The following EXOC6B variants were observed in gnomAD, a reference collection of about 807,000 sequenced individuals.
EXOC6B encodes SEC15 homolog B.
EXOC6B carries 54 observed loss-of-function variants against 113.5 expected under a neutral mutation model. That is an observed-to-expected ratio of 0.48 (90% CI 0.38 to 0.60). The LOEUF is 0.60. Ranked by LOEUF, EXOC6B falls within the 20% of genes least tolerant of loss-of-function variation. The pLI, the probability that EXOC6B is intolerant of heterozygous loss-of-function variation, is 0.00. For missense variants in EXOC6B, 797 were observed against 977.5 expected (o/e 0.82, Z 2.46); for synonymous variants, 357 against 339.0 (o/e 1.05, Z -0.58).
intron 1 of EXOC6B, among the ~76,000 whole-genome samples, chr2:72,813,424 C>A (rs1686033746): frequency 6.6e-6 from 1 of 152,136 alleles, no homozygotes; most frequent in African/African-American, 2.4e-5. Flanking sequence ...ACCATCAAAT[C>A]CACATTTATC....
chr2:72,550,732 TATGGTCATC>T (rs1703162133), intron 8 of EXOC6B, among the ~76,000 whole-genome samples: 1 of 152,152 alleles, frequency 6.6e-6, no homozygotes, highest in Non-Finnish European at 1.5e-5. Flanking sequence ...TAGGACTACA[TATGGTCATC>T]GTACAATTAA....
At chr2:72,280,205 A>G (rs1208862464) in intron 20 of EXOC6B, among the ~76,000 whole-genome samples, 2 of 151,744 alleles carry the variant, frequency 1.3e-5, no homozygotes, top group African/African-American at 4.8e-5. Flanking sequence ...CTGTTTCATT[A>G]TCATATTCTT....
chr2:72,768,121 T>TAAAAAAA (rs70963144), intron 1 of EXOC6B, among the ~76,000 whole-genome samples: 2 of 108,412 alleles, frequency 1.8e-5, no homozygotes, highest in Non-Finnish European at 1.8e-5. Flanking sequence ...GAGACTCCGT[T>TAAAAAAA]AAAAAAAAAA....
chr2:72,392,345 T>C (rs1228453819), intron 18 of EXOC6B, among the ~76,000 whole-genome samples: 1 of 152,212 alleles, frequency 6.6e-6, no homozygotes, highest in Non-Finnish European at 1.5e-5. Flanking sequence ...CCTGGTGGCA[T>C]TCAGTGCTAA....
chr2:72,700,962 T>C (rs999850906), intron 6 of EXOC6B, among the ~76,000 whole-genome samples: 2 of 151,194 alleles, frequency 1.3e-5, no homozygotes, highest in Non-Finnish European at 2.9e-5. Context: ...ATTAAAATGG[T>C]AACTTTTATG....
chr2:72,276,215 G>A (rs962895421), intron 20 of EXOC6B, among the ~76,000 whole-genome samples: 1 of 152,100 alleles, frequency 6.6e-6, no homozygotes, highest in African/African-American at 2.4e-5. Flanking sequence ...CTAGATACCC[G>A]ATGACTGCAT....
At chr2:72,340,767 A>G (rs146332027) in intron 19 of EXOC6B, among the ~76,000 whole-genome samples, 2 of 152,204 alleles carry the variant, frequency 1.3e-5, no homozygotes, top group African/African-American at 2.4e-5. Flanking sequence ...CTGTATTAAC[A>G]TAACGGTTTC....
At chr2:72,422,259 G>C (rs569823492) in intron 18 of EXOC6B, among the ~76,000 whole-genome samples, 1 of 152,212 alleles carries the variant, frequency 6.6e-6, no homozygotes, top group Non-Finnish European at 1.5e-5. Context: ...GCCCCAGTGC[G>C]GGATCCACTA....
chr2:72,636,276 G>A (rs1672808127), intron 6 of EXOC6B, among the ~76,000 whole-genome samples: 1 of 142,062 alleles, frequency 7.0e-6, no homozygotes, highest in Admixed American at 7.1e-5. Context: ...AAAAAGGGAA[G>A]GAAAAATGGA....
intron 6 of EXOC6B, among the ~76,000 whole-genome samples, chr2:72,589,641 G>A (rs779997968): frequency 3.3e-5 from 5 of 152,064 alleles, no homozygotes; most frequent in Admixed American, 6.5e-5. Context: ...GTGAGGTAGT[G>A]TCTACATGAA....
intron 5 of EXOC6B, among the ~76,000 whole-genome samples, chr2:72,730,251 T>C (rs1680549624): frequency 6.6e-6 from 1 of 152,198 alleles, no homozygotes; most frequent in East Asian, 1.9e-4. Flanking sequence ...GGTCAAACAT[T>C]ATTCTAGATG....
At chr2:72,823,476 A>C (rs10188612) in intron 1 of EXOC6B, among the ~76,000 whole-genome samples, 1,606 of 118,682 alleles carry the variant, frequency 0.014, 70 homozygotes, top group African/African-American at 0.044. Flanking sequence ...AAAAAAAAAA[A>C]AACAAAAAAC....
At chr2:72,556,470 T>C (rs751751407) in intron 8 of EXOC6B, among the ~76,000 whole-genome samples, 10 of 152,224 alleles carry the variant, frequency 6.6e-5, no homozygotes, top group Non-Finnish European at 1.5e-5. Flanking sequence ...AAAGACTACG[T>C]TGACATGGTT....
chr2:72,355,983 T>G (rs574924574), intron 19 of EXOC6B, among the ~76,000 whole-genome samples: 101 of 152,308 alleles, frequency 6.6e-4, no homozygotes, highest in African/African-American at 2.3e-3. Context: ...AGGTATCAAA[T>G]GTCTAAGATA....
intron 11 of EXOC6B, 116 bp downstream of exon 11, chr2:72,513,015 CT>C: frequency 8.2e-7 from 1 of 1,213,174 alleles, no homozygotes; most frequent in Non-Finnish European, 1.1e-6. Flanking sequence ...TGAAGGACAT[CT>C]ATAGCTCCAA....
chr2:72,294,156 G>A (rs932446069), intron 20 of EXOC6B, among the ~76,000 whole-genome samples: 2 of 150,302 alleles, frequency 1.3e-5, no homozygotes, highest in Non-Finnish European at 3.0e-5. Context: ...TTGAACAACA[G>A]ATATAAAGTA....
At chr2:72,652,695 T>G (rs1339117397) in intron 6 of EXOC6B, among the ~76,000 whole-genome samples, 1 of 148,508 alleles carries the variant, frequency 6.7e-6, no homozygotes, top group East Asian at 1.9e-4. Flanking sequence ...TTGTATACAT[T>G]ATGAGATTTT....
At chr2:72,238,421 G>A (rs1682093843) in intron 20 of EXOC6B, among the ~76,000 whole-genome samples, 1 of 152,156 alleles carries the variant, frequency 6.6e-6, no homozygotes, top group African/African-American at 2.4e-5. Flanking sequence ...ATATACATAG[G>A]AATGGAATTG....
At chr2:72,240,027 G>T (rs1172626204) in intron 20 of EXOC6B, among the ~76,000 whole-genome samples, 1 of 152,122 alleles carries the variant, frequency 6.6e-6, no homozygotes, top group African/African-American at 2.4e-5. Context: ...GTACATGGTT[G>T]TATCCTGCAA....
Sources: allele counts gnomAD v4.1 joint callset (sites outside exome capture counted in the v4.1 genomes callset), GRCh38; gene constraint gnomAD v4.1.1; transcripts MANE v1.5; gene names NCBI Gene and HGNC (gene_info 2026-07-23, HGNC 2026-07-21).